Variants in LAMC1 observed in about 807,000 individuals in gnomAD.
LAMC1 encodes the protein laminin subunit gamma 1.
A neutral mutation model predicts 173.6 loss-of-function variants in LAMC1; 38 were observed. That is an observed-to-expected ratio of 0.22 (90% CI 0.17 to 0.29). LAMC1 has a LOEUF of 0.29. Among genes scored for constraint, LAMC1 ranks in the 10% least tolerant of loss-of-function variants. The pLI, the probability that LAMC1 is intolerant of heterozygous loss-of-function variation, is 1.00. For synonymous variants in LAMC1, 746 were observed against 749.1 expected, an observed-to-expected ratio of 1.00 and a Z score of 0.07; for missense variants, 1,824 against 2,051.8, an observed-to-expected ratio of 0.89 and a Z score of 2.14.
At chr1:183,111,776 CTGTAATCTCAGCATT>C (rs1365064831) in intron 4 of LAMC1, among the ~76,000 whole-genome samples, 1 of 129,048 alleles carries the variant, frequency 7.7e-6, no homozygotes, top group Non-Finnish European at 1.7e-5. Context: ...TGGCTAACGC[CTGTAATCTCAGCATT>C]TGGGAGGCCT....
chr1:183,084,130 G>A (rs893713339), intron 1 of LAMC1, among the ~76,000 whole-genome samples: 1 of 151,976 alleles, frequency 6.6e-6, no homozygotes, highest in Non-Finnish European at 1.5e-5. Context: ...TGAGGTGGGC[G>A]GATCACAAGG....
intron 1 of LAMC1, among the ~76,000 whole-genome samples, chr1:183,031,378 C>G (rs1653845117): frequency 6.6e-6 from 1 of 152,126 alleles, no homozygotes; most frequent in South Asian, 2.1e-4. Context: ...GATCTTGGCT[C>G]ACTGCAACCT....
chr1:183,121,705 T>G lies in LAMC1; in HGVS notation c.1991-18T>G, dbSNP rs773874794. On this transcript the variant is annotated intron_variant, in intron 11 of 27. Transcript: ENST00000258341. ...AAACAAGCCAGTTCAGTGATTTTCT[T>G]TTCCTCACTATACACAGGTGCTGGA... 1.3e-5 allele frequency: 20 copies of G among 1,595,910 alleles called. No homozygotes were observed. Among genetic ancestry groups the G allele is most frequent in the South Asian group, 2.2e-5 (2 of 89,080 alleles).
intron 1 of LAMC1, among the ~76,000 whole-genome samples, chr1:183,041,847 T>G (rs1056242333): frequency 2.0e-5 from 3 of 152,164 alleles, no homozygotes; most frequent in Admixed American, 6.6e-5. Flanking sequence ...TCAAAAAAGT[T>G]TGCTGAATGA....
intron 1 of LAMC1, among the ~76,000 whole-genome samples, chr1:183,076,862 T>TA (rs11399662): frequency 0.1 from 15,841 of 152,260 alleles, 1,020 homozygotes; most frequent in Admixed American, 0.2. Flanking sequence ...AAAAATCTCT[T>TA]AGAGACCCCA....
At chr1:183,039,790 T>C (rs1654076543) in intron 1 of LAMC1, among the ~76,000 whole-genome samples, 2 of 152,224 alleles carry the variant, frequency 1.3e-5, no homozygotes, top group Non-Finnish European at 1.5e-5. Context: ...ACTTCCCAGA[T>C]GTTTGTAGTA....
chr1:183,137,331 T>C (rs1277267402), intron 25 of LAMC1, among the ~76,000 whole-genome samples: 1 of 152,192 alleles, frequency 6.6e-6, no homozygotes, highest in Non-Finnish European at 1.5e-5. Flanking sequence ...ATCAATATGA[T>C]GTCGTAGAAA....
At chr1:183,136,233 A>G (rs550310003) in intron 24 of LAMC1, among the ~76,000 whole-genome samples, 153 bp from the exon 25 acceptor site, 1 of 152,322 alleles carries the variant, frequency 6.6e-6, no homozygotes, top group East Asian at 1.9e-4. Context: ...TTCTGTAGAG[A>G]TGTGTAATTT....
intron 1 of LAMC1, among the ~76,000 whole-genome samples, chr1:183,029,315 C>T (rs1653785280): frequency 6.6e-6 from 1 of 152,186 alleles, no homozygotes; most frequent in South Asian, 2.1e-4. Context: ...CTGTAAGTTC[C>T]CATTGCATTT....
In LAMC1 at chr1:183,024,016, G is replaced by A; in HGVS notation, c.300G>A (p.Gln100=). The A allele has an allele frequency of 6.2e-7, 1 of 1,613,076 alleles. No homozygotes were observed. The highest frequency in any genetic ancestry group is 1.6e-4 in the Middle Eastern group (1 of 6,062). Reference sequence around the variant, plus strand: ...GCGACGCCGGGCAGCCCCACCTGCAGCACGGGGCAGCCTTCCTGACCGACT... The same window carrying A: ...GCGACGCCGGGCAGCCCCACCTGCAACACGGGGCAGCCTTCCTGACCGACT... ...HLCDAGQPHL[Q]HGAAFLTDYN... The change falls in exon 1 of 28, where the codon CAG becomes CAA. Residue 100 remains glutamine, a synonymous_variant. Coordinates refer to ENST00000258341, the MANE Select transcript of LAMC1 (RefSeq NM_002293.4).
At chr1:183,102,743 AT>A (rs1053769235) in intron 1 of LAMC1, among the ~76,000 whole-genome samples, 5 of 152,020 alleles carry the variant, frequency 3.3e-5, no homozygotes, top group African/African-American at 1.2e-4. Flanking sequence ...CACTGAAGGA[AT>A]TTTTTTTCCT....
At chr1:183,113,085 A>G (rs1396516816) in intron 4 of LAMC1, among the ~76,000 whole-genome samples, 1 of 152,214 alleles carries the variant, frequency 6.6e-6, no homozygotes, top group Non-Finnish European at 1.5e-5. Flanking sequence ...ATGAGGCAGA[A>G]GGATCACTTG....
intron 1 of LAMC1, among the ~76,000 whole-genome samples, chr1:183,064,301 T>C (rs926264153): frequency 6.6e-6 from 1 of 152,210 alleles, no homozygotes; most frequent in East Asian, 1.9e-4. Flanking sequence ...ACTTCGATGG[T>C]ATGGGCCTAC....
At chr1:183,031,348 A>G (rs1653843998) in intron 1 of LAMC1, among the ~76,000 whole-genome samples, 1 of 151,974 alleles carries the variant, frequency 6.6e-6, no homozygotes, top group Non-Finnish European at 1.5e-5. Context: ...CTTGTCGCCC[A>G]GGCTGGAGTG....
intron 1 of LAMC1, among the ~76,000 whole-genome samples, chr1:183,062,232 C>A (rs376705961): frequency 6.6e-6 from 1 of 152,128 alleles, no homozygotes; most frequent in Admixed American, 6.5e-5. Flanking sequence ...TTCAAAGATA[C>A]GAAGATTCTA....
At chr1:183,041,764 T>G (rs141436837) in intron 1 of LAMC1, among the ~76,000 whole-genome samples, 51 of 152,340 alleles carry the variant, frequency 3.3e-4, no homozygotes, top group Admixed American at 1.4e-3. Flanking sequence ...TTTCATTGGC[T>G]TCCCCTCCAC....
intron 1 of LAMC1, among the ~76,000 whole-genome samples, chr1:183,079,621 C>T (rs147691979): frequency 1.1e-4 from 17 of 152,214 alleles, no homozygotes; most frequent in African/African-American, 4.1e-4. Flanking sequence ...TCTTTGAGGA[C>T]TTGTCCTGTG....
rs1653600603 is a variant in LAMC1, at chr1:183,023,750, C to A, written c.34C>A (p.Arg12=). ...RGSHRAAPAL[R]PRGRLWPVLA... ...GAGCCATCGGGCCGCGCCGGCCCTG[C>A]GGCCCCGGGGGCGGCTCTGGCCCGT... The change falls in exon 1 of 28, where the codon CGG becomes AGG. Residue 12 remains arginine, a synonymous_variant. Transcript: ENST00000258341. 1 of 1,212,104 alleles carries A rather than the reference C, an allele frequency of 8.3e-7. No individual in the cohort carries two copies. The highest frequency in any genetic ancestry group is 1.6e-5 in the African/African-American group (1 of 62,868). The allele number at this position is 1,212,104 out of a possible 1,614,324, so 75.1% of individuals were successfully genotyped here. A position where few individuals can be genotyped will look rare whatever the true frequency, so the allele number is the denominator to read the frequency against.
chr1:183,043,876 A>G (rs1269794058), intron 1 of LAMC1, among the ~76,000 whole-genome samples: 3 of 152,156 alleles, frequency 2.0e-5, no homozygotes, highest in Non-Finnish European at 2.9e-5. Context: ...AAGCCATTTC[A>G]TTTGAGATAC....
Sources: allele counts gnomAD v4.1 joint callset (sites outside exome capture counted in the v4.1 genomes callset), GRCh38; gene constraint gnomAD v4.1.1; transcripts MANE v1.5; gene names NCBI Gene and HGNC (gene_info 2026-07-23, HGNC 2026-07-21).